Variants in FAM3C observed in about 807,000 individuals in gnomAD.
FAM3C encodes the protein FAM3 metabolism regulating signaling molecule C, also known as protein FAM3C.
In FAM3C, 15 loss-of-function variants were observed where a neutral mutation model predicts 32.5. The observed-to-expected ratio is 0.46, with a 90% CI of 0.31 to 0.71. The LOEUF is 0.71. Ranked by LOEUF, FAM3C falls within the 30% of genes least tolerant of loss-of-function variation. FAM3C has a pLI of 0.05. For synonymous variants in FAM3C, 75 were observed against 86.1 expected (o/e 0.87, Z 0.72); for missense variants, 175 against 274.4 (o/e 0.64, Z 2.56).
intron 8 of FAM3C, among the ~76,000 whole-genome samples, chr7:121,353,741 TC>T (rs1202657216): frequency 1.3e-5 from 2 of 152,208 alleles, no homozygotes; most frequent in African/African-American, 4.8e-5. Flanking sequence ...AGACAACATT[TC>T]CCATGTGTTG....
intron 3 of FAM3C, among the ~76,000 whole-genome samples, chr7:121,375,332 G>A (rs1794218950): frequency 6.6e-6 from 1 of 152,166 alleles, no homozygotes; most frequent in Non-Finnish European, 1.5e-5. Context: ...AAGGACAGGA[G>A]GGGATTTGAA....
chr7:121,362,210 A>T (rs1385744446), intron 7 of FAM3C, among the ~76,000 whole-genome samples: 3 of 152,208 alleles, frequency 2.0e-5, no homozygotes, highest in East Asian at 3.8e-4. Flanking sequence ...TCTTCCGGGC[A>T]GCGTTCTTCT....
chr7:121,377,201 A>C (rs1399044404), intron 3 of FAM3C, among the ~76,000 whole-genome samples: 1 of 152,104 alleles, frequency 6.6e-6, no homozygotes, highest in Non-Finnish European at 1.5e-5. Context: ...TGCCACCAAG[A>C]ATAACATGTT....
intron 1 of FAM3C, among the ~76,000 whole-genome samples, chr7:121,391,437 G>T (rs984170937): frequency 6.6e-6 from 1 of 152,140 alleles, no homozygotes; most frequent in African/African-American, 2.4e-5. Context: ...ATGGGGTAAT[G>T]AAGTGTCCCA....
Position 121,371,337 on chromosome 7 carries a change from T to G in FAM3C, c.235A>C (p.Asn79His). 1.2e-6 allele frequency: 2 copies of G among 1,613,736 alleles called. No individual in the cohort carries two copies. Among genetic ancestry groups the G allele is most frequent in the Non-Finnish European group, 1.7e-6 (2 of 1,179,946 alleles). The change falls in exon 5 of 10, where the codon AAC becomes CAC. Residue 79 changes from asparagine (N) to histidine (H), a missense_variant. Coordinates refer to ENST00000359943, the MANE Select transcript of FAM3C (RefSeq NM_014888.3). ...AGGCAGATTTTGGGTCCCACCACGT[T>G]GGCTGCTCCACTTGCCATTTTAAAA... ...FAFKMASGAA[N>H]VVGPKICLED...
intron 6 of FAM3C, among the ~76,000 whole-genome samples, 186 bp from the exon 7 acceptor site, chr7:121,363,133 C>A (rs1793958869): frequency 6.6e-6 from 1 of 152,090 alleles, no homozygotes; most frequent in Admixed American, 6.5e-5. Context: ...ATCATATGCA[C>A]CTGAAATATA....
At chr7:121,383,118 TAAGTATTATGCCAACATTGGCATTA>T in intron 1 of FAM3C, 108 bp from the exon 2 acceptor site, 1 of 570,746 alleles carries the variant, frequency 1.8e-6, no homozygotes, top group Non-Finnish European at 3.0e-6. Flanking sequence ...ATGACATTTC[TAAGTATTATGCCAACATTGGCATTA>T]AAAAAAAAAA....
rs534169865 is a variant in FAM3C, at chr7:121,375,193, G to A, written c.119-3054C>T. ...AATCAGAACAAATGTTCAGAAAAAG[G>A]AGCAATACATTCTTAAAGAGGGAGG... On this transcript the variant is annotated intron_variant, in intron 3 of 9. Coordinates refer to ENST00000359943, the MANE Select transcript of FAM3C (RefSeq NM_014888.3). Among the ~76,000 whole-genome samples, 110 of 152,294 alleles carry A rather than the reference G, an allele frequency of 7.2e-4. 2 individuals carry two copies. The South Asian group carries it at 0.017, about 24-fold the overall frequency.
chr7:121,350,592 G>A lies in FAM3C; in HGVS notation c.595-42C>T, dbSNP rs772707446. 3 of 1,587,432 alleles carry A rather than the reference G, an allele frequency of 1.9e-6. No homozygotes were observed. The South Asian group carries it at 3.3e-5, about 18-fold the overall frequency. ...ATAATATACAGTTTAAAAAACCGTT[G>A]TAAACTGCTGATTTGCCGTAACATT... On this transcript the variant is annotated intron_variant, in intron 9 of 9. Coordinates refer to ENST00000359943, the MANE Select transcript of FAM3C (RefSeq NM_014888.3).
At chr7:121,377,279 TAA>T (rs1562890148) in intron 3 of FAM3C, among the ~76,000 whole-genome samples, 1 of 152,166 alleles carries the variant, frequency 6.6e-6, no homozygotes, top group Non-Finnish European at 1.5e-5. Context: ...GTCAGACAAT[TAA>T]ACCTCTTTCT....
chr7:121,351,003 G>T, intron 9 of FAM3C, 140 bp downstream of exon 9: 1 of 817,404 alleles, frequency 1.2e-6, no homozygotes, highest in Non-Finnish European at 1.9e-6. Flanking sequence ...TCAAATAACT[G>T]ATTACCAAGA....
At chr7:121,357,716 A>T (rs543284636) in intron 8 of FAM3C, among the ~76,000 whole-genome samples, 3 of 152,288 alleles carry the variant, frequency 2.0e-5, no homozygotes, top group African/African-American at 7.2e-5. Context: ...AAGAAATTAA[A>T]GTTTAGATTT....
chr7:121,379,119 A>G, intron 2 of FAM3C, 105 bp from the exon 3 acceptor site: 2 of 642,974 alleles, frequency 3.1e-6, no homozygotes, highest in Non-Finnish European at 5.5e-6. Context: ...ATACATTTCT[A>G]CTTTGTATCT....
intron 3 of FAM3C, among the ~76,000 whole-genome samples, chr7:121,377,397 G>A (rs144080604): frequency 7.2e-5 from 11 of 152,228 alleles, no homozygotes; most frequent in African/African-American, 2.6e-4. Flanking sequence ...TGAATTTATG[G>A]AAAGCAAAAC....
intron 9 of FAM3C, 102 bp from the exon 10 acceptor site, chr7:121,350,652 A>G: frequency 8.3e-7 from 1 of 1,205,714 alleles, no homozygotes; most frequent in Non-Finnish European, 1.2e-6. Flanking sequence ...ACTCATGTCA[A>G]CAATAAGTTC....
chr7:121,391,975 C>A (rs1423644896), intron 1 of FAM3C, among the ~76,000 whole-genome samples: 1 of 152,178 alleles, frequency 6.6e-6, no homozygotes, highest in Non-Finnish European at 1.5e-5. Flanking sequence ...CAACAAACTT[C>A]TAATTACATA....
intron 8 of FAM3C, among the ~76,000 whole-genome samples, chr7:121,357,539 A>T (rs1199987857): frequency 6.6e-6 from 1 of 152,166 alleles, no homozygotes; most frequent in African/African-American, 2.4e-5. Context: ...TGCCTTTCTT[A>T]AGGATGTTGT....
chr7:121,390,859 GGGGGGGGGGGGGGA>G (rs1794562890), intron 1 of FAM3C, among the ~76,000 whole-genome samples: 1 of 28,322 alleles, frequency 3.5e-5, no homozygotes, highest in Non-Finnish European at 1.5e-4. Context: ...GGGGCGGGGG[GGGGGGGGGGGGGGA>G]AGGTAAGGCA....
intron 2 of FAM3C, among the ~76,000 whole-genome samples, chr7:121,381,574 G>T (rs1295879542): frequency 6.6e-6 from 1 of 151,748 alleles, no homozygotes; most frequent in Non-Finnish European, 1.5e-5. Flanking sequence ...ATTTCAAATT[G>T]CCATGCTTAA....
Sources: allele counts gnomAD v4.1 joint callset (sites outside exome capture counted in the v4.1 genomes callset), GRCh38; gene constraint gnomAD v4.1.1; transcripts MANE v1.5; gene names NCBI Gene and HGNC (gene_info 2026-07-23, HGNC 2026-07-21).